Variants in OSBPL3 observed in about 807,000 individuals in gnomAD.
OSBPL3 encodes oxysterol binding protein like 3.
A neutral mutation model predicts 120.1 loss-of-function variants in OSBPL3; 65 were observed. That is an observed-to-expected ratio of 0.54 (90% CI 0.44 to 0.67). The LOEUF is 0.67. Among genes scored for constraint, OSBPL3 ranks in the 30% least tolerant of loss-of-function variants. The pLI is 0.00. For missense variants in OSBPL3, 1,004 were observed against 1,082.1 expected (o/e 0.93, Z 1.01); for synonymous variants, 416 against 402.6 (o/e 1.03, Z -0.40).
At chr7:24,969,185 C>T (rs983833845) in intron 1 of OSBPL3, among the ~76,000 whole-genome samples, 1 of 152,160 alleles carries the variant, frequency 6.6e-6, no homozygotes, top group African/African-American at 2.4e-5. Context: ...TCTGCCAACC[C>T]GATAGGTGAA....
At chr7:24,928,707 C>A (rs1811407677) in intron 1 of OSBPL3, among the ~76,000 whole-genome samples, 1 of 152,188 alleles carries the variant, frequency 6.6e-6, no homozygotes, top group African/African-American at 2.4e-5. Context: ...CCTCTGATTT[C>A]TATCACTACC....
At position 24,879,043 on chromosome 7, in the gene OSBPL3, G is replaced by C. The variant is rs910097068; in HGVS notation, c.97-6974C>G. On this transcript the variant is annotated intron_variant, in intron 2 of 22. Coordinates refer to ENST00000313367, the MANE Select transcript of OSBPL3 (RefSeq NM_015550.4). The surrounding 1 kb of genome is among the most constrained non-coding windows in gnomAD (Gnocchi z 5.6). ...GCCCTGGATTCCAGCTTTGCCTAAA[G>C]GATGGGTTGTCTTACTATCTAATGA... Among the ~76,000 whole-genome samples the C allele has an allele frequency of 6.6e-6, 1 of 152,182 alleles. No individual in the cohort carries two copies. The highest frequency in any genetic ancestry group is 2.4e-5 in the African/African-American group (1 of 41,444).
intron 18 of OSBPL3, 43 bp downstream of exon 18, chr7:24,816,567 C>T (rs1193008764): frequency 1.4e-6 from 2 of 1,413,698 alleles, no homozygotes; most frequent in African/African-American, 1.4e-5. Flanking sequence ...AAATCTTGGC[C>T]CTAAATTCCA....
At chr7:24,929,065 C>G (rs987807141) in intron 1 of OSBPL3, among the ~76,000 whole-genome samples, 10 of 152,198 alleles carry the variant, frequency 6.6e-5, no homozygotes, top group African/African-American at 2.4e-4. Flanking sequence ...TGCCAAACTG[C>G]TCTCCAAAGT....
At chr7:24,897,568 G>A (rs963352271) in intron 1 of OSBPL3, among the ~76,000 whole-genome samples, 19 of 151,886 alleles carry the variant, frequency 1.3e-4, no homozygotes, top group Middle Eastern at 3.4e-3. Context: ...CTCGTGATCC[G>A]CCCGCCTCGG....
intron 2 of OSBPL3, among the ~76,000 whole-genome samples, chr7:24,888,230 A>C (rs1804820895): frequency 6.6e-6 from 1 of 152,214 alleles, no homozygotes; most frequent in African/African-American, 2.4e-5. Flanking sequence ...AATTAATGTT[A>C]ATTATAATGA....
At chr7:24,878,653 T>A (rs1803196304) in intron 2 of OSBPL3, among the ~76,000 whole-genome samples, 2 of 152,222 alleles carry the variant, frequency 1.3e-5, no homozygotes, top group South Asian at 4.1e-4. Flanking sequence ...TCTTGTTAAA[T>A]GTTTCTCAGC....
At chr7:24,969,894 T>C (rs1197013422) in intron 1 of OSBPL3, among the ~76,000 whole-genome samples, 1 of 152,210 alleles carries the variant, frequency 6.6e-6, no homozygotes, top group Non-Finnish European at 1.5e-5. Flanking sequence ...GTTCACTGTT[T>C]ACAGCATAGT....
At position 24,900,541 on chromosome 7, in the gene OSBPL3, A is replaced by G. The variant is rs557382066; in HGVS notation, c.-149-7920T>C. On this transcript the variant is annotated intron_variant, in intron 1 of 22. Coordinates refer to ENST00000313367, the MANE Select transcript of OSBPL3 (RefSeq NM_015550.4). The surrounding 1 kb of genome is among the most constrained non-coding windows in gnomAD (Gnocchi z 4.5). ...TAGACCCTGAGTTCTTTTCTGGGAAAGATTTTGTCCCACTGCTTAGCTACT... is the reference window on the plus strand; with the variant it reads ...TAGACCCTGAGTTCTTTTCTGGGAAGGATTTTGTCCCACTGCTTAGCTACT... Among the ~76,000 whole-genome samples the G allele has an allele frequency of 6.6e-6, 1 of 152,324 alleles. No homozygotes were observed. Among genetic ancestry groups the G allele is most frequent in the African/African-American group, 2.4e-5 (1 of 41,586 alleles).
chr7:24,841,048 T>A (rs1201641781), intron 13 of OSBPL3, among the ~76,000 whole-genome samples: 1 of 152,212 alleles, frequency 6.6e-6, no homozygotes, highest in African/African-American at 2.4e-5. Context: ...AGATTCTTAT[T>A]AATTCTGACT....
At chr7:24,811,376 T>C (rs9648315) in intron 19 of OSBPL3, among the ~76,000 whole-genome samples, 24,309 of 152,298 alleles carry the variant, frequency 0.16, 2,537 homozygotes, top group Non-Finnish European at 0.22. Flanking sequence ...CTGATTGTTT[T>C]CTTGCTATTG....
chr7:24,950,460 C>A (rs181406239), intron 1 of OSBPL3, among the ~76,000 whole-genome samples: 90 of 152,018 alleles, frequency 5.9e-4, no homozygotes, highest in African/African-American at 2.1e-3. Flanking sequence ...CGGTGGCTCA[C>A]GCCTGTAATC....
intron 13 of OSBPL3, 117 bp downstream of exon 13, chr7:24,842,161 TG>T: frequency 9.8e-7 from 1 of 1,024,712 alleles, no homozygotes; most frequent in Non-Finnish European, 1.5e-6. Flanking sequence ...CAGAACATAA[TG>T]ACTACAAAGG....
At chr7:24,921,569 A>T (rs1174172795) in intron 1 of OSBPL3, among the ~76,000 whole-genome samples, 5 of 152,202 alleles carry the variant, frequency 3.3e-5, no homozygotes, top group African/African-American at 1.2e-4. Context: ...GTAGCTCAGA[A>T]GTGGCAGCAT....
At chr7:24,956,440 T>A (rs1815059848) in intron 1 of OSBPL3, among the ~76,000 whole-genome samples, 1 of 152,276 alleles carries the variant, frequency 6.6e-6, no homozygotes, top group African/African-American at 2.4e-5. Context: ...TCTGGCTTTA[T>A]GTCCCACCTG....
chr7:24,837,853 A>G (rs942476165), intron 14 of OSBPL3, among the ~76,000 whole-genome samples: 3 of 152,194 alleles, frequency 2.0e-5, no homozygotes, highest in Non-Finnish European at 4.4e-5. Flanking sequence ...CTTAATCTGT[A>G]TTCTTAAACA....
At position 24,847,602 on chromosome 7, in the gene OSBPL3, T is replaced by C. The variant is rs372812375; in HGVS notation, c.1266+1467A>G. On this transcript the variant is annotated intron_variant, in intron 12 of 22. Coordinates refer to ENST00000313367, the MANE Select transcript of OSBPL3 (RefSeq NM_015550.4). ...TTTGGTTTCCTTTCCAAAACACAAA[T>C]AGTTCCAAGTAGACATGCCAAGCAT... is the stretch of plus-strand genomic sequence containing the variant. 3.0e-4 allele frequency among the ~76,000 whole-genome samples: 45 copies of C among 152,342 alleles called. 5 individuals carry two copies. The highest frequency in any genetic ancestry group is 1.7e-3 in the Admixed American group (26 of 15,304).
At chr7:24,970,562 G>A (rs1816898283) in intron 1 of OSBPL3, among the ~76,000 whole-genome samples, 1 of 152,074 alleles carries the variant, frequency 6.6e-6, no homozygotes, top group Non-Finnish European at 1.5e-5. Context: ...TCAATATATA[G>A]AGATATAGAT....
Position 24,852,541 on chromosome 7 carries a change from G to A in OSBPL3, c.1121C>T (p.Ser374Phe). 6.2e-7 allele frequency: 1 copy of A among 1,605,562 alleles called. No homozygotes were observed. Among genetic ancestry groups the A allele is most frequent in the Non-Finnish European group, 8.5e-7 (1 of 1,178,080 alleles). ...GTTCTTCAGACCAATGACCTGAGCA[G>A]ACGGGGAGGAGGAGGCATCCTGCTC... ...LMEQDASSSP[S>F]AQVIGLKNAL... The change falls in exon 11 of 23, where the codon TCT becomes TTT. Residue 374 changes from serine (S) to phenylalanine (F), a missense_variant. Physicochemically the swap from Ser to Phe is radical, Grantham distance 155 (BLOSUM62 -2). Coordinates refer to ENST00000313367, the MANE Select transcript of OSBPL3 (RefSeq NM_015550.4). This position sits in a 1 kb window ranked among gnomAD's most constrained non-coding sequence, Gnocchi z 4.1.
Sources: gnomAD v4.1 joint callset for allele counts (sites outside exome capture counted in the v4.1 genomes callset) on GRCh38, gnomAD v4.1.1 for gene constraint, Gnocchi (gnomAD v3.1) non-coding constraint, MANE v1.5 for transcripts, NCBI Gene and HGNC (gene_info 2026-07-23, HGNC 2026-07-21) for gene names.